Variants in MYH1 observed in about 807,000 individuals in gnomAD.
The protein encoded by MYH1 is myosin-1.
In MYH1, 214 loss-of-function variants were observed where a neutral mutation model predicts 225.6. That is an observed-to-expected ratio of 0.95 (90% CI 0.85 to 1.06). The LOEUF is 1.06. Among genes scored for constraint, MYH1 ranks in the 50% least tolerant of loss-of-function variants. The probability of loss-of-function intolerance (pLI) is 0.00; values close to 1 mark genes in which losing one functional copy is unlikely to be tolerated. For missense variants in MYH1, 2,098 were observed against 2,344.2 expected (o/e 0.89, Z 2.17); for synonymous variants, 774 against 842.3 (o/e 0.92, Z 1.40).
At chr17:10,507,540 C>T (rs2073125327) in intron 17 of MYH1, among the ~76,000 whole-genome samples, 1 of 152,198 alleles carries the variant, frequency 6.6e-6, no homozygotes, top group Non-Finnish European at 1.5e-5. Flanking sequence ...AAGCCTCAAG[C>T]AAGTCTCAGC....
chr17:10,492,949 G>T, intron 39 of MYH1, among the ~76,000 whole-genome samples: 1 of 151,566 alleles, frequency 6.6e-6, no homozygotes, highest in Non-Finnish European at 1.5e-5. Flanking sequence ...AAACCATTAA[G>T]CTTGAATATA....
intron 27 of MYH1, 143 bp from the exon 28 acceptor site, chr17:10,500,895 T>C (rs1008178481): frequency 7.2e-7 from 1 of 1,383,300 alleles, no homozygotes; most frequent in Non-Finnish European, 9.8e-7. Context: ...AGCAAAGGTC[T>C]TAGATAGTGA....
At chr17:10,496,729 A>G (rs2072998967) in intron 33 of MYH1, among the ~76,000 whole-genome samples, 180 bp from the exon 34 acceptor site, 2 of 152,316 alleles carry the variant, frequency 1.3e-5, no homozygotes, top group South Asian at 4.2e-4. Context: ...TAACACACAC[A>G]CTGTCTGCCT....
Position 10,516,324 on chromosome 17 carries a change from C to G in MYH1, c.223G>C (p.Asp75His). The G allele has an allele frequency of 6.2e-7, 1 of 1,614,140 alleles. No homozygotes were observed. Among genetic ancestry groups the G allele is most frequent in the Non-Finnish European group, 8.5e-7 (1 of 1,180,014 alleles). The change falls in exon 4 of 40, where the codon GAC becomes CAC. Residue 75 changes from aspartate to histidine, a missense_variant. Coordinates refer to ENST00000226207, the MANE Select transcript of MYH1 (RefSeq NM_005963.4). ...EAGATVTVKD[D>H]QVFPMNPPKY... ...GGAGGGTTCATGGGGAAGACTTGGT[C>G]ATCTTTCACTGTTACAGTCTGTCCA...
chr17:10,512,354 G>A, intron 12 of MYH1, 54 bp downstream of exon 12: 3 of 1,613,578 alleles, frequency 1.9e-6, no homozygotes, highest in East Asian at 4.5e-5. Context: ...ATTTTGGAAT[G>A]GACATTTTTG....
chr17:10,492,673 C>G (rs1288021803), intron 39 of MYH1, 105 bp from the exon 40 acceptor site: 1 of 1,276,784 alleles, frequency 7.8e-7, no homozygotes, highest in African/African-American at 1.5e-5. Context: ...TTCACTCTAG[C>G]AGATATTTTA....
In MYH1 at chr17:10,497,142, T is replaced by G; in HGVS notation, c.4583A>C (p.His1528Pro). The G allele has an allele frequency of 6.2e-7, 1 of 1,614,172 alleles. No individual in the cohort carries two copies. Residue 1528 changes from histidine (H) to proline (P), a missense_variant, in exon 33 of 40, where the codon CAT becomes CCT. Transcript: ENST00000226207. The part of the protein sequence containing the change: ...EQIAEGGKRI[H>P]ELEKIKKQVE... ...TTGCTTCTTTATTTTTTCCAGTTCATGGATGCGCTTTCCTCCTTCTGCAAT... is the reference window on the plus strand; with the variant it reads ...TTGCTTCTTTATTTTTTCCAGTTCAGGGATGCGCTTTCCTCCTTCTGCAAT...
At chr17:10,515,899 C>T (rs1186049311) in intron 5 of MYH1, 27 bp downstream of exon 5, 2 of 1,613,764 alleles carry the variant, frequency 1.2e-6, no homozygotes, top group East Asian at 2.2e-5. Flanking sequence ...TAAAATAATT[C>T]ATATGAAAAC....
At position 10,501,288 on chromosome 17, in the gene MYH1, A is replaced by C. The variant is rs762459943; in HGVS notation, c.3560T>G (p.Leu1187Arg). 3 of 1,614,170 alleles carry C rather than the reference A, an allele frequency of 1.9e-6. No homozygotes were observed. The highest frequency in any genetic ancestry group is 2.5e-6 in the Non-Finnish European group (3 of 1,180,024). The change falls in exon 27 of 40, where the codon CTA becomes CGA. Residue 1187 changes from leucine (L) to arginine (R), a missense_variant. By Grantham distance (102) the Leu-to-Arg change is moderately radical (BLOSUM62 -2). Transcript: ENST00000226207. ...GGTGGCCGCCGTGGCTTCATGCTGT[A>C]GGGTGGCCTCCTCCAGGTCCCTGCG... is the stretch of plus-strand genomic sequence containing the variant. ...KMRRDLEEAT[L>R]QHEATAATLR... is the part of the protein sequence containing the mutation.
intron 30 of MYH1, 23 bp from the exon 31 acceptor site, chr17:10,497,940 G>A: frequency 6.3e-7 from 1 of 1,576,586 alleles, no homozygotes; most frequent in Non-Finnish European, 8.6e-7. Flanking sequence ...GGCAATAAAA[G>A]TGAATGGCTG....
chr17:10,516,107 A>G, intron 4 of MYH1, 25 bp from the exon 5 acceptor site: 1 of 1,613,652 alleles, frequency 6.2e-7, no homozygotes, highest in Non-Finnish European at 8.5e-7. Flanking sequence ...AAAGGGAGGA[A>G]CAGAATTATT....
Position 10,497,873 on chromosome 17 carries a change from T to G in MYH1, c.4226A>C (p.Glu1409Ala). Residue 1409 changes from glutamate to alanine, a missense_variant, in exon 31 of 40, where the codon GAA (glutamate) becomes GCA (alanine). Coordinates refer to ENST00000226207, the MANE Select transcript of MYH1 (RefSeq NM_005963.4). ...GGAAGCACATTTGGCATTCACAGCT[T>G]CTACATGTTCCTCAGCATCCTGCAG... Reference protein sequence around the residue: ...QRLQDAEEHVEAVNAKCASLE... With the variant: ...QRLQDAEEHVAAVNAKCASLE... 1 of 1,612,360 alleles carries G rather than the reference T, an allele frequency of 6.2e-7. No homozygotes were observed. The highest frequency in any genetic ancestry group is 8.5e-7 in the Non-Finnish European group (1 of 1,179,628).
At chr17:10,497,474 A>G in intron 31 of MYH1, 22 bp from the exon 32 acceptor site, 2 of 1,588,726 alleles carry the variant, frequency 1.3e-6, no homozygotes, top group South Asian at 2.3e-5. Flanking sequence ...GGAATGGACA[A>G]GAAATTTAGT....
chr17:10,501,885 CT>C lies in MYH1; in HGVS notation c.3137del (p.Lys1046ArgfsTer7). The stretch of plus-strand genomic sequence containing the variant: ...CTCTTTCTAGATCCATCCGGATTTT[CT>C]TTTCTTGTTCCAAAGATCCTTCAAG... ...DDLEGSLEQE[K>X]KIRMDLERAK... On this transcript the variant is annotated frameshift_variant, in exon 25 of 40. Transcript: ENST00000226207. LOFTEE classifies it high-confidence loss of function. The C allele has an allele frequency of 6.2e-7, 1 of 1,607,910 alleles. No homozygotes were observed. The highest frequency in any genetic ancestry group is 1.1e-5 in the South Asian group (1 of 88,596).
At chr17:10,505,087 C>A (rs759022186) in intron 21 of MYH1, 22 bp from the exon 22 acceptor site, 1 of 1,613,306 alleles carries the variant, frequency 6.2e-7, no homozygotes, top group South Asian at 1.1e-5. Flanking sequence ...ACAGAAATGT[C>A]CAAATCAGAT....
chr17:10,513,471 T>A (rs2073192452), intron 9 of MYH1, among the ~76,000 whole-genome samples, 155 bp downstream of exon 9: 1 of 152,288 alleles, frequency 6.6e-6, no homozygotes, highest in African/African-American at 2.4e-5. Flanking sequence ...GGGTAAAGCA[T>A]ACTGTGGGCT....
rs1213816254 is a variant in MYH1 at position 10,501,240 on chromosome 17, C to T, written c.3608G>A (p.Ser1203Asn). Residue 1203 changes from serine (S) to asparagine (N), a missense_variant, in exon 27 of 40, where the codon AGT becomes AAT. Physicochemically the swap from Ser to Asn is conservative, Grantham distance 46. Transcript: ENST00000226207. ...AATLRKKHAD[S>N]VAELGEQIDN... ...AATCTGCTCCCCAAGCTCGGCCACA[C>T]TATCTGCATGCTTCTTCCTCAGGGT... The T allele has an allele frequency of 4.3e-6, 7 of 1,614,090 alleles. No homozygotes were observed. The Admixed American group carries it at 8.3e-5, about 19-fold the overall frequency.
Position 10,516,080 on chromosome 17 carries a change from G to C in MYH1, c.351C>G (p.Thr117=). ...KERYAAWMIY[T]YSGLFCVTVN... ...CAGTGACACAGAACAAGCCTGAGTA[G>C]GTCTGCACCCAAAACAAAAGGGAGG... The change falls in exon 5 of 40, where the codon ACC becomes ACG. Residue 117 remains threonine, a splice_region_variant and synonymous_variant. Coordinates refer to ENST00000226207, the MANE Select transcript of MYH1 (RefSeq NM_005963.4). The C allele has an allele frequency of 3.1e-6, 5 of 1,613,980 alleles. No homozygotes were observed. Among genetic ancestry groups the C allele is most frequent in the South Asian group, 1.1e-5 (1 of 91,064 alleles).
chr17:10,516,243 C>T lies in MYH1; in HGVS notation c.304G>A (p.Val102Met), dbSNP rs1356545876. ...TAGCGCTCTTTGAGGTTGTACAGCACAGCAGGCTCGTGTAGATGAGTCATC... is the reference window on the plus strand; with the variant it reads ...TAGCGCTCTTTGAGGTTGTACAGCATAGCAGGCTCGTGTAGATGAGTCATC... ...AMMTHLHEPAVLYNLKERYAA... is the reference protein window; with the variant it reads ...AMMTHLHEPAMLYNLKERYAA... The change falls in exon 4 of 40, where the codon GTG becomes ATG. Residue 102 changes from valine to methionine, a missense_variant. Val to Met is a conservative substitution (Grantham distance 21). Coordinates refer to ENST00000226207, the MANE Select transcript of MYH1 (RefSeq NM_005963.4). 2 of 1,614,214 alleles carry T rather than the reference C, an allele frequency of 1.2e-6. No individual in the cohort carries two copies. The highest frequency in any genetic ancestry group is 1.7e-5 in the Admixed American group (1 of 60,026).
Sources: allele counts gnomAD v4.1 joint callset (sites outside exome capture counted in the v4.1 genomes callset), GRCh38; gene constraint gnomAD v4.1.1; transcripts MANE v1.5; gene names NCBI Gene and HGNC (gene_info 2026-07-23, HGNC 2026-07-21).